Variants in R3HCC1L observed in about 807,000 individuals in gnomAD.
The protein encoded by R3HCC1L is coiled-coil domain-containing protein R3HCC1L.
A neutral mutation model predicts 59.9 loss-of-function variants in R3HCC1L; 51 were observed. That is an observed-to-expected ratio of 0.85 (90% CI 0.68 to 1.07). R3HCC1L has a LOEUF of 1.07. Ranked by LOEUF, R3HCC1L falls within the 50% of genes least tolerant of loss-of-function variation. The pLI is 0.00. For synonymous variants in R3HCC1L, 322 were observed against 315.2 expected, an observed-to-expected ratio of 1.02 and a Z score of -0.23; for missense variants, 965 against 933.0, an observed-to-expected ratio of 1.03 and a Z score of -0.45.
intron 4 of R3HCC1L, among the ~76,000 whole-genome samples, chr10:98,197,910 G>A (rs1335107858): frequency 6.6e-6 from 1 of 152,160 alleles, no homozygotes; most frequent in Non-Finnish European, 1.5e-5. Flanking sequence ...TATAGAAAAG[G>A]AAGTTTTGAG....
chr10:98,175,412 A>G (rs529497686), intron 4 of R3HCC1L, among the ~76,000 whole-genome samples: 13 of 152,202 alleles, frequency 8.5e-5, no homozygotes, highest in Non-Finnish European at 1.6e-4. Flanking sequence ...CCACACAATT[A>G]AAATGCAGAG....
intron 4 of R3HCC1L, among the ~76,000 whole-genome samples, chr10:98,166,266 T>A (rs891054629): frequency 6.6e-6 from 1 of 152,092 alleles, no homozygotes; most frequent in Non-Finnish European, 1.5e-5. Flanking sequence ...TACTGCAACC[T>A]GGAAGAGGGC....
Position 98,208,740 on chromosome 10 carries a change from CTGA to C in R3HCC1L, c.628_630del (p.Asp210del). The C allele has an allele frequency of 6.2e-7, 1 of 1,614,126 alleles. No homozygotes were observed. Among genetic ancestry groups the C allele is most frequent in the South Asian group, 1.1e-5 (1 of 91,084 alleles). Reference sequence around the variant, plus strand: ...AAAGATTTGGAAGGCAGAATTGAAACTGATACCAAGGTTTTGGAGATACTATAT... The same window carrying C: ...AAAGATTTGGAAGGCAGAATTGAAACTACCAAGGTTTTGGAGATACTATAT... On this transcript the variant is annotated inframe_deletion, in exon 5 of 10. Transcript: ENST00000298999.
At chr10:98,139,166 A>G (rs2133841870) in intron 1 of R3HCC1L, among the ~76,000 whole-genome samples, 1 of 152,330 alleles carries the variant, frequency 6.6e-6, no homozygotes, top group Non-Finnish European at 1.5e-5. Flanking sequence ...TCCATAAGCT[A>G]ACTATTCACA....
At chr10:98,203,809 A>G (rs1158500401) in intron 4 of R3HCC1L, among the ~76,000 whole-genome samples, 2 of 152,356 alleles carry the variant, frequency 1.3e-5, no homozygotes, top group East Asian at 3.9e-4. Context: ...TGGAAACTGT[A>G]GAAGTAATTG....
intron 4 of R3HCC1L, among the ~76,000 whole-genome samples, chr10:98,189,356 C>T (rs1850588693): frequency 6.6e-6 from 1 of 152,142 alleles, no homozygotes; most frequent in East Asian, 1.9e-4. Flanking sequence ...ATACATGGCG[C>T]AGTTTGGCAG....
chr10:98,153,033 T>TG (rs1176048385), intron 1 of R3HCC1L, among the ~76,000 whole-genome samples: 1 of 144,832 alleles, frequency 6.9e-6, no homozygotes, highest in East Asian at 2.1e-4. Flanking sequence ...GTCCGGGAGG[T>TG]GGGGGGCGCC....
intron 1 of R3HCC1L, among the ~76,000 whole-genome samples, chr10:98,151,315 C>A (rs2134002554): frequency 6.6e-6 from 1 of 152,202 alleles, no homozygotes; most frequent in East Asian, 1.9e-4. Flanking sequence ...CTCTTTAGTG[C>A]ATTGTGTCTT....
chr10:98,214,081 C>T (rs544880492), intron 5 of R3HCC1L, among the ~76,000 whole-genome samples: 1 of 152,204 alleles, frequency 6.6e-6, no homozygotes, highest in East Asian at 1.9e-4. Flanking sequence ...CAGGTGACTC[C>T]TAAAATTAAA....
intron 4 of R3HCC1L, among the ~76,000 whole-genome samples, chr10:98,177,605 C>G (rs1485452690): frequency 6.6e-6 from 1 of 152,178 alleles, no homozygotes; most frequent in African/African-American, 2.4e-5. Context: ...GGAGTCGCCA[C>G]ACTGTCTTCC....
In R3HCC1L at chr10:98,244,314, A is replaced by AG; in HGVS notation, c.*157dup. 1.5e-5 allele frequency: 10 copies of AG among 649,644 alleles called. No homozygotes were observed. The highest frequency in any genetic ancestry group is 2.6e-5 in the Non-Finnish European group (10 of 385,590). The allele number at this position is 649,644 out of a possible 1,614,324, so 40.2% of individuals were successfully genotyped here. A position where few individuals can be genotyped will look rare whatever the true frequency, so the allele number is the denominator to read the frequency against. On this transcript the variant is annotated 3_prime_UTR_variant, in exon 10 of 10. Transcript: ENST00000298999. ...GACTGACTGGGTATAGAAGGAAGAC[A>AG]GACTCCTGTCTTCACTCCTAAATGC...
intron 1 of R3HCC1L, among the ~76,000 whole-genome samples, chr10:98,152,105 G>A (rs1184432913): frequency 6.6e-6 from 1 of 152,192 alleles, no homozygotes; most frequent in African/African-American, 2.4e-5. Flanking sequence ...GGCGCGCGCC[G>A]CCACGCCTGA....
intron 9 of R3HCC1L, among the ~76,000 whole-genome samples, chr10:98,239,285 CCATTA>C (rs1489955713): frequency 4.6e-5 from 7 of 152,148 alleles, no homozygotes; most frequent in African/African-American, 1.7e-4. Flanking sequence ...TACTCTCCAT[CCATTA>C]CAAGTGGCAG....
chr10:98,242,940 A>C lies in R3HCC1L; in HGVS notation c.2270-1151A>C, dbSNP rs559603859. ...CTGCCTCAGTTCCAGGGCATTCTCT[A>C]CCAGCCTTCATTTTGCAATTTGCAG... On this transcript the variant is annotated intron_variant, in intron 9 of 9. Coordinates refer to ENST00000298999, the MANE Select transcript of R3HCC1L (RefSeq NM_001351015.2). Among the ~76,000 whole-genome samples the C allele has an allele frequency of 2.0e-5, 3 of 152,334 alleles. No homozygotes were observed. In the South Asian group the frequency reaches 6.2e-4, roughly 32 times the overall value.
At chr10:98,239,346 A>C (rs1011008203) in intron 9 of R3HCC1L, among the ~76,000 whole-genome samples, 22 of 152,202 alleles carry the variant, frequency 1.4e-4, no homozygotes, top group African/African-American at 4.8e-4. Context: ...GAGTTTTGAC[A>C]TGACCATTGC....
At chr10:98,168,580 A>G (rs1366278337) in intron 4 of R3HCC1L, among the ~76,000 whole-genome samples, 1 of 152,114 alleles carries the variant, frequency 6.6e-6, no homozygotes, top group Non-Finnish European at 1.5e-5. Flanking sequence ...TTTTCATGAA[A>G]TGTTTCTTCC....
In R3HCC1L at chr10:98,221,859, C is replaced by T. The variant is rs540359029; in HGVS notation, c.1786-9653C>T. 5.9e-3 allele frequency among the ~76,000 whole-genome samples: 898 copies of T among 152,228 alleles called. 5 individuals carry two copies. The highest frequency in any genetic ancestry group is 0.021 in the African/African-American group (859 of 41,534). On this transcript the variant is annotated intron_variant, in intron 5 of 9. Coordinates refer to ENST00000298999, the MANE Select transcript of R3HCC1L (RefSeq NM_001351015.2). ...TTGGCTTAGGATTGACTTGGCGATT[C>T]GGGCTCTTTTTTGGTTCCATATGAA...
intron 4 of R3HCC1L, among the ~76,000 whole-genome samples, chr10:98,184,751 A>G (rs1413385547): frequency 2.0e-5 from 3 of 152,160 alleles, no homozygotes; most frequent in East Asian, 1.9e-4. Context: ...CTGGGTCTCA[A>G]GTATGGGGCT....
At position 98,207,711 on chromosome 10, in the gene R3HCC1L, GA is replaced by G. The variant is rs796696558; in HGVS notation, c.-14-379del. Among the ~76,000 whole-genome samples, 164 of 141,428 alleles carry G rather than the reference GA, an allele frequency of 1.2e-3. 1 individual carries two copies. Among genetic ancestry groups the G allele is most frequent in the African/African-American group, 3.3e-3 (127 of 38,714 alleles). 92.8% of individuals were successfully genotyped at this position (141,428 alleles called of 152,430 possible). ...GAACAACAACAACAAAAAAATTAAA[GA>G]AAAAAAAAAAGGCCGGGCACAGTGG... On this transcript the variant is annotated intron_variant, in intron 4 of 9. Coordinates refer to ENST00000298999, the MANE Select transcript of R3HCC1L (RefSeq NM_001351015.2).
Sources: allele counts gnomAD v4.1 joint callset (sites outside exome capture counted in the v4.1 genomes callset), GRCh38; gene constraint gnomAD v4.1.1; transcripts MANE v1.5; gene names NCBI Gene and HGNC (gene_info 2026-07-23, HGNC 2026-07-21).